ERC2: variants seen among roughly 807,000 people sequenced by gnomAD.
The protein encoded by ERC2 is ERC protein 2.
ERC2 carries 42 observed loss-of-function variants against 114.8 expected under a neutral mutation model. The ratio of observed to expected loss-of-function variants is 0.37; its 90% CI spans 0.29 to 0.47. The LOEUF is 0.47. Among genes scored for constraint, ERC2 ranks in the 20% least tolerant of loss-of-function variants. ERC2 has a pLI of 0.99. For missense variants in ERC2, 939 were observed against 1,150.7 expected (o/e 0.82, Z 2.66); for synonymous variants, 454 against 425.5 (o/e 1.07, Z -0.82).
chr3:55,941,695 C>A (rs1022699165), intron 13 of ERC2, among the ~76,000 whole-genome samples: 14 of 152,302 alleles, frequency 9.2e-5, no homozygotes, highest in African/African-American at 3.1e-4. Context: ...AATATCCACA[C>A]TTGTTTTCCA....
At chr3:56,148,921 A>G (rs2081281773) in intron 5 of ERC2, 56 bp downstream of exon 5, 1 of 1,522,886 alleles carries the variant, frequency 6.6e-7, no homozygotes, top group Admixed American at 1.8e-5. Flanking sequence ...TATGTATGTA[A>G]ACTGTAACTT....
chr3:56,429,434 T>C (rs1029311060), intron 2 of ERC2, among the ~76,000 whole-genome samples: 1 of 152,230 alleles, frequency 6.6e-6, no homozygotes, highest in African/African-American at 2.4e-5. Flanking sequence ...GGCTATGGGT[T>C]CATGGCATTC....
chr3:56,397,088 TAG>T (rs2060337454), intron 2 of ERC2, among the ~76,000 whole-genome samples: 1 of 152,210 alleles, frequency 6.6e-6, no homozygotes, highest in African/African-American at 2.4e-5. Flanking sequence ...CACAATGTTC[TAG>T]AGAGTTTCAG....
intron 7 of ERC2, among the ~76,000 whole-genome samples, chr3:56,022,530 A>C (rs568331423): frequency 2.6e-5 from 4 of 152,326 alleles, no homozygotes; most frequent in African/African-American, 9.6e-5. Context: ...AAAAGACTGG[A>C]GAGAATATAA....
chr3:55,791,877 T>G (rs1355652495), intron 14 of ERC2, among the ~76,000 whole-genome samples: 1 of 152,194 alleles, frequency 6.6e-6, no homozygotes, highest in Non-Finnish European at 1.5e-5. Context: ...TGGAAAAATC[T>G]GATCCACCTT....
chr3:55,848,435 C>T (rs753169035), intron 14 of ERC2, among the ~76,000 whole-genome samples: 2 of 152,224 alleles, frequency 1.3e-5, no homozygotes, highest in Non-Finnish European at 2.9e-5. Context: ...TCCCATTCAT[C>T]CTTCACACCG....
rs574621229 is a variant in ERC2, at chr3:56,447,852, C to T, written c.-140-12705G>A. Among the ~76,000 whole-genome samples, 545 of 152,056 alleles carry T rather than the reference C, an allele frequency of 3.6e-3. 3 individuals carry two copies. Among genetic ancestry groups the T allele is most frequent in the Middle Eastern group, 0.01 (3 of 294 alleles). On this transcript the variant is annotated intron_variant, in intron 1 of 17. Transcript: ENST00000288221. ...CTGCCTCCTGAGTTCAAGCGATTCT[C>T]CTGCCTCAGCCTCTCGAGTAGCTGC...
chr3:56,223,612 A>G (rs753135282), intron 3 of ERC2, among the ~76,000 whole-genome samples: 219 of 151,996 alleles, frequency 1.4e-3, no homozygotes, highest in Non-Finnish European at 2.3e-3. Flanking sequence ...TAGCCCTGCA[A>G]TGTATATAAC....
rs536679579 is a variant in ERC2, at chr3:55,546,922, T to G, written c.*40-35646A>C. Among the ~76,000 whole-genome samples the G allele has an allele frequency of 5.9e-5, 9 of 152,360 alleles. No individual in the cohort carries two copies. In the South Asian group the frequency reaches 1.9e-3, roughly 32 times the overall value. The stretch of plus-strand genomic sequence containing the variant: ...TCAGTTCAAGTCCATAACCATTTCC[T>G]CATAGGAGGCGGAGTCGCAGGTGGT... On this transcript the variant is annotated intron_variant, in intron 17 of 17. Coordinates refer to ENST00000288221, the MANE Select transcript of ERC2 (RefSeq NM_015576.3).
chr3:55,527,604 T>C (rs575059154), intron 17 of ERC2, among the ~76,000 whole-genome samples: 44 of 152,262 alleles, frequency 2.9e-4, no homozygotes, highest in African/African-American at 1.1e-3. Context: ...GGCAATTAAG[T>C]AACTTAGGCA....
intron 14 of ERC2, among the ~76,000 whole-genome samples, chr3:55,773,653 G>A (rs1258298933): frequency 3.9e-5 from 6 of 152,322 alleles, no homozygotes; most frequent in African/African-American, 9.6e-5. Context: ...ATGGTGCTGC[G>A]CACAAAGTAG....
chr3:55,934,857 T>C (rs929599210), intron 13 of ERC2, among the ~76,000 whole-genome samples: 34 of 152,204 alleles, frequency 2.2e-4, no homozygotes, highest in African/African-American at 8.2e-4. Context: ...CCAATCAGTA[T>C]ATTATTTATA....
intron 3 of ERC2, among the ~76,000 whole-genome samples, chr3:56,291,240 A>G (rs2055063831): frequency 6.6e-6 from 1 of 152,250 alleles, no homozygotes; most frequent in East Asian, 1.9e-4. Context: ...GTAAACGTCA[A>G]ACAATGTCTT....
intron 3 of ERC2, among the ~76,000 whole-genome samples, chr3:56,283,511 A>G (rs1053025115): frequency 6.6e-6 from 1 of 152,212 alleles, no homozygotes; most frequent in African/African-American, 2.4e-5. Context: ...AGGCACAATC[A>G]GAGTTTGCCT....
intron 5 of ERC2, among the ~76,000 whole-genome samples, chr3:56,147,511 C>A (rs958564894): frequency 7.9e-5 from 12 of 152,294 alleles, no homozygotes; most frequent in Admixed American, 6.5e-5. Context: ...GAAGTAAACA[C>A]TGGATAAATA....
intron 17 of ERC2, among the ~76,000 whole-genome samples, chr3:55,526,544 C>T (rs775387480): frequency 1.3e-5 from 2 of 152,102 alleles, no homozygotes; most frequent in East Asian, 1.9e-4. Context: ...GGTGGCTGTC[C>T]GTGAGAGAGT....
chr3:55,736,935 C>T (rs2065670483), intron 14 of ERC2, among the ~76,000 whole-genome samples: 1 of 152,076 alleles, frequency 6.6e-6, no homozygotes, highest in Non-Finnish European at 1.5e-5. Flanking sequence ...TCTTCCTTTC[C>T]ACTGGGAAAG....
intron 2 of ERC2, among the ~76,000 whole-genome samples, chr3:56,353,956 A>G (rs1468650763): frequency 6.6e-6 from 1 of 152,112 alleles, no homozygotes; most frequent in Non-Finnish European, 1.5e-5. Flanking sequence ...TTCCAATTTT[A>G]CCAATGGGAA....
chr3:56,186,584 T>G (rs1171266557), intron 3 of ERC2, among the ~76,000 whole-genome samples: 1 of 152,206 alleles, frequency 6.6e-6, no homozygotes, highest in Non-Finnish European at 1.5e-5. Context: ...CAGGCTGGAG[T>G]GCAATGGTGT....
Sources: gnomAD v4.1 joint callset for allele counts (sites outside exome capture counted in the v4.1 genomes callset) on GRCh38, gnomAD v4.1.1 for gene constraint, MANE v1.5 for transcripts, NCBI Gene and HGNC (gene_info 2026-07-23, HGNC 2026-07-21) for gene names.